The following NTNG1 variants were observed in gnomAD, a reference collection of about 807,000 sequenced individuals.
The protein encoded by NTNG1 is netrin-G1.
NTNG1 carries 16 observed loss-of-function variants against 54.0 expected under a neutral mutation model. The observed-to-expected ratio is 0.30, with a 90% CI of 0.20 to 0.45. NTNG1 has a LOEUF of 0.45. Ranked by LOEUF, NTNG1 falls within the 20% of genes least tolerant of loss-of-function variation. The probability of loss-of-function intolerance (pLI) is 1.00; values close to 1 mark genes in which losing one functional copy is unlikely to be tolerated. For synonymous variants in NTNG1, 255 were observed against 263.1 expected (o/e 0.97, Z 0.30); for missense variants, 530 against 678.7 (o/e 0.78, Z 2.43).
At chr1:107,473,669 A>C (rs1159325482) in intron 7 of NTNG1, among the ~76,000 whole-genome samples, 2 of 152,232 alleles carry the variant, frequency 1.3e-5, no homozygotes, top group African/African-American at 4.8e-5. Context: ...AATAGATAGA[A>C]GTAAGAGAGG....
At position 107,467,518 on chromosome 1, in the gene NTNG1, C is replaced by T. The variant is rs1257810745; in HGVS notation, c.1391-13093C>T. On this transcript the variant is annotated intron_variant, in intron 7 of 7. Coordinates refer to ENST00000370068, the MANE Select transcript of NTNG1 (RefSeq NM_001113226.3). ...TGTTCACAACAGCCCTGTGAAGTGG[C>T]CTCTTTTACAGATGAAGAAATAGAG... 5.9e-5 allele frequency among the ~76,000 whole-genome samples: 9 copies of T among 152,164 alleles called. No homozygotes were observed. In the South Asian group the frequency reaches 1.7e-3, roughly 28 times the overall value.
At chr1:107,416,067 G>T (rs970828510) in intron 5 of NTNG1, among the ~76,000 whole-genome samples, 2 of 152,070 alleles carry the variant, frequency 1.3e-5, no homozygotes, top group African/African-American at 4.8e-5. Flanking sequence ...AAAAAGTCTC[G>T]TGATGGCCAA....
In NTNG1 at chr1:107,242,316, ATGTT is replaced by A. The variant is rs780113130; in HGVS notation, c.247-81963_247-81960del. Reference sequence around the variant, plus strand: ...GGGTGACAGAGTGAAAAAAAAGAATATGTTTGATCTCGCTCTCTCTCTCTTTATC... The same window carrying A: ...GGGTGACAGAGTGAAAAAAAAGAATATGATCTCGCTCTCTCTCTCTTTATC... On this transcript the variant is annotated intron_variant, in intron 2 of 7. Coordinates refer to ENST00000370068, the MANE Select transcript of NTNG1 (RefSeq NM_001113226.3). 8.5e-4 allele frequency among the ~76,000 whole-genome samples: 130 copies of A among 152,168 alleles called. 2 individuals carry two copies. In the East Asian group the frequency reaches 0.019, roughly 23 times the overall value.
Sources: allele counts gnomAD v4.1 joint callset (sites outside exome capture counted in the v4.1 genomes callset), GRCh38; gene constraint gnomAD v4.1.1; transcripts MANE v1.5; gene names NCBI Gene and HGNC (gene_info 2026-07-23, HGNC 2026-07-21).